The following PRMT8 variants were observed in gnomAD, a reference collection of about 807,000 sequenced individuals.
PRMT8 encodes the protein protein arginine methyltransferase 8.
In PRMT8, 7 loss-of-function variants were observed where a neutral mutation model predicts 47.1. That is an observed-to-expected ratio of 0.15 (90% CI 0.08 to 0.28). PRMT8 has a LOEUF of 0.28. PRMT8 is among the 10% of genes least tolerant of loss of function. PRMT8 has a pLI of 1.00. For synonymous variants in PRMT8, 188 were observed against 186.5 expected (o/e 1.01, Z -0.07); for missense variants, 237 against 505.4 (o/e 0.47, Z 5.09).
At chr12:3,497,130 C>T (rs1865522706) in intron 1 of PRMT8, among the ~76,000 whole-genome samples, 2 of 152,194 alleles carry the variant, frequency 1.3e-5, no homozygotes. Flanking sequence ...TTGGAGTCTA[C>T]TCTGCCAGCA....
intron 1 of PRMT8, among the ~76,000 whole-genome samples, chr12:3,511,428 G>A (rs1865712937): frequency 1.3e-5 from 2 of 152,242 alleles, no homozygotes; most frequent in African/African-American, 4.8e-5. Context: ...CTGGGTCTGT[G>A]ACTTGGACAA....
intron 1 of PRMT8, among the ~76,000 whole-genome samples, chr12:3,534,059 G>A (rs1866078152): frequency 6.6e-6 from 1 of 152,268 alleles, no homozygotes; most frequent in Non-Finnish European, 1.5e-5. Flanking sequence ...GGAAGAAGGT[G>A]AAGGCGGTGG....
chr12:3,479,806 TAG>T (rs925565765), intron 1 of PRMT8, among the ~76,000 whole-genome samples: 5 of 152,180 alleles, frequency 3.3e-5, no homozygotes, highest in African/African-American at 1.2e-4. Context: ...GAACCTGCTG[TAG>T]AGAGTTTTTA....
intron 1 of PRMT8, among the ~76,000 whole-genome samples, chr12:3,458,709 A>G (rs1035454671): frequency 1.2e-4 from 18 of 152,192 alleles, no homozygotes; most frequent in African/African-American, 4.3e-4. Context: ...TCTTTGGCAA[A>G]TAATAAACTC....
chr12:3,421,157 G>A (rs1591544524), intron 1 of PRMT8, among the ~76,000 whole-genome samples: 1 of 152,158 alleles, frequency 6.6e-6, no homozygotes, highest in Admixed American at 6.5e-5. Flanking sequence ...TTTAAAATGA[G>A]GAAAGGCACA....
intron 1 of PRMT8, among the ~76,000 whole-genome samples, chr12:3,422,978 G>A (rs1241659127): frequency 6.6e-6 from 1 of 152,230 alleles, no homozygotes; most frequent in Non-Finnish European, 1.5e-5. Flanking sequence ...CTAAGGTAGC[G>A]ATGAAGCTTT....
At chr12:3,470,166 T>G (rs1865144617) in intron 1 of PRMT8, among the ~76,000 whole-genome samples, 1 of 152,136 alleles carries the variant, frequency 6.6e-6, no homozygotes, top group Non-Finnish European at 1.5e-5. Context: ...TTGAAACCCC[T>G]GGTTTCAAAT....
At chr12:3,463,316 T>C (rs891242618) in intron 1 of PRMT8, 3 of 152,244 alleles carry the variant, frequency 2.0e-5, no homozygotes, top group Admixed American at 2.0e-4. Context: ...GGGGAAAGTA[T>C]ACACATCCAG....
chr12:3,468,080 T>C (rs1865121318), intron 1 of PRMT8, among the ~76,000 whole-genome samples: 1 of 152,236 alleles, frequency 6.6e-6, no homozygotes, highest in Admixed American at 6.5e-5. Context: ...TATTAACGTG[T>C]TGCACAAAGG....
intron 1 of PRMT8, among the ~76,000 whole-genome samples, chr12:3,507,160 C>T (rs1390489807): frequency 8.6e-5 from 11 of 128,502 alleles, no homozygotes; most frequent in African/African-American, 3.0e-4. Context: ...CTCGCTCTTT[C>T]ACCCAGGCTG....
chr12:3,592,966 C>A, intron 9 of PRMT8, 133 bp from the exon 10 acceptor site: 1 of 704,436 alleles, frequency 1.4e-6, no homozygotes, highest in Non-Finnish European at 2.5e-6. Context: ...CAGGGGAACC[C>A]CTTAGCCAGA....
intron 1 of PRMT8, among the ~76,000 whole-genome samples, chr12:3,435,257 C>A (rs963209763): frequency 6.6e-6 from 1 of 152,060 alleles, no homozygotes. Context: ...GCATGAGCCA[C>A]CCGGTCCAGC....
intron 1 of PRMT8, among the ~76,000 whole-genome samples, chr12:3,435,106 C>T (rs1239927736): frequency 6.6e-6 from 1 of 151,760 alleles, no homozygotes; most frequent in African/African-American, 2.4e-5. Context: ...GTATCTGGGA[C>T]TACAGGCACC....
intron 4 of PRMT8, among the ~76,000 whole-genome samples, chr12:3,560,149 GCTCA>G (rs2137192299): frequency 6.6e-6 from 1 of 152,334 alleles, no homozygotes; most frequent in South Asian, 2.1e-4. Context: ...TGCTGCACCT[GCTCA>G]CTCACTTAGC....
chr12:3,441,839 G>A (rs1417181388), intron 1 of PRMT8, among the ~76,000 whole-genome samples: 1 of 152,188 alleles, frequency 6.6e-6, no homozygotes, highest in Non-Finnish European at 1.5e-5. Context: ...CCTAAAAATT[G>A]TTTGAAAAGT....
intron 7 of PRMT8, among the ~76,000 whole-genome samples, chr12:3,582,760 C>T (rs1276723460): frequency 1.3e-5 from 2 of 152,168 alleles, no homozygotes; most frequent in Non-Finnish European, 2.9e-5. Context: ...CTCCTGTTCT[C>T]TCCCTTCCCC....
At chr12:3,523,054 C>T (rs1048386611) in intron 1 of PRMT8, among the ~76,000 whole-genome samples, 4 of 152,000 alleles carry the variant, frequency 2.6e-5, no homozygotes, top group African/African-American at 9.7e-5. Context: ...TTAAAACCTC[C>T]ACCCCCCAAA....
At chr12:3,452,336 T>C (rs61909495) in intron 1 of PRMT8, among the ~76,000 whole-genome samples, 34 of 61,762 alleles carry the variant, frequency 5.5e-4, no homozygotes, top group Admixed American at 1.8e-3. Context: ...CACACACACA[T>C]ACACACACAC....
chr12:3,565,376 G>A (rs1866702599), intron 4 of PRMT8, among the ~76,000 whole-genome samples: 1 of 152,134 alleles, frequency 6.6e-6, no homozygotes, highest in African/African-American at 2.4e-5. Context: ...ATAAAGTTGT[G>A]CAGGTTGAGC....
Sources: gnomAD v4.1 joint callset for allele counts (sites outside exome capture counted in the v4.1 genomes callset) on GRCh38, gnomAD v4.1.1 for gene constraint, MANE v1.5 for transcripts, NCBI Gene and HGNC (gene_info 2026-07-23, HGNC 2026-07-21) for gene names.